DLG2: variants seen among roughly 807,000 people sequenced by gnomAD.
DLG2 encodes the protein disks large homolog 2.
DLG2 carries 45 observed loss-of-function variants against 132.5 expected under a neutral mutation model. The ratio of observed to expected loss-of-function variants is 0.34; its 90% CI spans 0.27 to 0.44. DLG2 has a LOEUF of 0.44. Among genes scored for constraint, DLG2 ranks in the 20% least tolerant of loss-of-function variants. DLG2 has a pLI of 1.00. For synonymous variants in DLG2, 424 were observed against 419.6 expected, an observed-to-expected ratio of 1.01 and a Z score of -0.13; for missense variants, 1,045 against 1,196.9, an observed-to-expected ratio of 0.87 and a Z score of 1.87.
chr11:84,843,417 T>C (rs188799942), intron 6 of DLG2, among the ~76,000 whole-genome samples: 9 of 152,004 alleles, frequency 5.9e-5, no homozygotes, highest in African/African-American at 2.2e-4. Context: ...TATAATAATA[T>C]GAATATTACT....
intron 3 of DLG2, among the ~76,000 whole-genome samples, chr11:85,403,052 T>C (rs981847953): frequency 6.6e-6 from 1 of 152,180 alleles, no homozygotes; most frequent in Non-Finnish European, 1.5e-5. Flanking sequence ...CGTATGTTTA[T>C]TGTGGCACTA....
At chr11:83,769,744 T>C (rs2094304985) in intron 18 of DLG2, among the ~76,000 whole-genome samples, 1 of 151,928 alleles carries the variant, frequency 6.6e-6, no homozygotes, top group South Asian at 2.1e-4. Flanking sequence ...TTGTATTTTT[T>C]AGTAGAGACG....
At chr11:84,043,791 G>A (rs2154110873) in intron 11 of DLG2, among the ~76,000 whole-genome samples, 1 of 151,414 alleles carries the variant, frequency 6.6e-6, no homozygotes, top group East Asian at 2.0e-4. Flanking sequence ...CTTCCTATTT[G>A]TAACATATTC....
chr11:85,254,523 G>A (rs906849835), intron 4 of DLG2, among the ~76,000 whole-genome samples: 1 of 151,926 alleles, frequency 6.6e-6, no homozygotes, highest in African/African-American at 2.4e-5. Context: ...TATTAAGCAT[G>A]TATTTATTTC....
intron 8 of DLG2, among the ~76,000 whole-genome samples, chr11:84,220,794 T>C (rs1172397600): frequency 7.1e-6 from 1 of 140,360 alleles, no homozygotes; most frequent in African/African-American, 2.6e-5. Context: ...TTTTTTTTTT[T>C]TTTTTTTGAC....
intron 4 of DLG2, among the ~76,000 whole-genome samples, chr11:85,203,883 A>G (rs2081650793): frequency 6.6e-6 from 1 of 152,162 alleles, no homozygotes; most frequent in Non-Finnish European, 1.5e-5. Flanking sequence ...GGTTCAACCT[A>G]CAAAAATCAA....
chr11:83,826,627 A>G (rs1322575877), intron 17 of DLG2, among the ~76,000 whole-genome samples: 1 of 152,192 alleles, frequency 6.6e-6, no homozygotes, highest in Non-Finnish European at 1.5e-5. Context: ...ATTTAAGGCA[A>G]TAAGCTTTTA....
chr11:85,624,189 ATG>A (rs2081915370), intron 2 of DLG2, among the ~76,000 whole-genome samples: 1 of 152,184 alleles, frequency 6.6e-6, no homozygotes. Flanking sequence ...AGCAGTTAAT[ATG>A]GGGTTTGAGG....
At chr11:84,647,345 T>G (rs1041679853) in intron 6 of DLG2, among the ~76,000 whole-genome samples, 10 of 152,246 alleles carry the variant, frequency 6.6e-5, no homozygotes, top group African/African-American at 2.2e-4. Context: ...ATCACCAAAT[T>G]AATATTTCTT....
chr11:83,495,610 A>G (rs1297266086), intron 21 of DLG2, among the ~76,000 whole-genome samples: 1 of 152,128 alleles, frequency 6.6e-6, no homozygotes, highest in African/African-American at 2.4e-5. Flanking sequence ...GTGAGGTTAG[A>G]AATTGTCGTA....
chr11:85,154,525 T>C, intron 5 of DLG2, 31 bp downstream of exon 5: 1 of 1,065,178 alleles, frequency 9.4e-7, no homozygotes, highest in Non-Finnish European at 1.4e-6. Context: ...CCATGAAGCC[T>C]AGTAAGAAAA....
At chr11:84,273,434 C>T (rs2097756328) in intron 7 of DLG2, 1 of 730,044 alleles carries the variant, frequency 1.4e-6, no homozygotes, top group Non-Finnish European at 1.7e-6. Flanking sequence ...TGGGGGATAA[C>T]TGGGCATGAC....
In DLG2 at chr11:83,842,523, CAAAAAAAA is replaced by C. The variant is rs771360645; in HGVS notation, c.1566-8761_1566-8754del. On this transcript the variant is annotated intron_variant, in intron 16 of 27. Transcript: ENST00000376104. The stretch of plus-strand genomic sequence containing the variant: ...GCAGGAGAATCGCTTGAACCTGTCT[CAAAAAAAA>C]AAAAAAAAAAAAAAAGGCCGGGCAC... Among the ~76,000 whole-genome samples the C allele has an allele frequency of 9.2e-3, 644 of 70,306 alleles. 6 individuals are homozygous for C. The highest frequency in any genetic ancestry group is 0.037 in the African/African-American group (609 of 16,432). The allele number at this position is 70,306 out of a possible 152,430, so 46.1% of individuals were successfully genotyped here.
At chr11:83,681,027 T>C (rs1313970843) in intron 18 of DLG2, among the ~76,000 whole-genome samples, 3 of 152,198 alleles carry the variant, frequency 2.0e-5, no homozygotes, top group East Asian at 3.9e-4. Context: ...CAAACAATTA[T>C]GGGTTTAGAA....
At chr11:84,063,554 G>A (rs4943887) in intron 10 of DLG2, among the ~76,000 whole-genome samples, 120,705 of 151,910 alleles carry the variant, frequency 0.79, 49,176 homozygotes, top group Middle Eastern at 0.92. Context: ...CTGCAGTGTG[G>A]CTATTCCTCA....
At chr11:84,106,155 C>T (rs2092897086) in intron 9 of DLG2, among the ~76,000 whole-genome samples, 1 of 151,592 alleles carries the variant, frequency 6.6e-6, no homozygotes, top group Non-Finnish European at 1.5e-5. Context: ...AGGCTACATG[C>T]CAGAAGAAGA....
intron 3 of DLG2, among the ~76,000 whole-genome samples, chr11:85,459,174 G>A (rs1323909951): frequency 1.3e-5 from 2 of 152,168 alleles, no homozygotes; most frequent in African/African-American, 2.4e-5. Flanking sequence ...TTCAAGGACA[G>A]CAAGGTCACT....
chr11:83,806,008 A>G (rs1381420219), intron 17 of DLG2, among the ~76,000 whole-genome samples: 1 of 152,086 alleles, frequency 6.6e-6, no homozygotes, highest in African/African-American at 2.4e-5. Flanking sequence ...TGCTGCTGCT[A>G]GAAGCTTCAT....
chr11:83,769,173 G>C (rs1049504818), intron 18 of DLG2, among the ~76,000 whole-genome samples: 46 of 152,220 alleles, frequency 3.0e-4, no homozygotes, highest in African/African-American at 1.1e-3. Flanking sequence ...GGACTTTCAT[G>C]ATGGTGTAGA....
Sources: allele counts gnomAD v4.1 joint callset (sites outside exome capture counted in the v4.1 genomes callset), GRCh38; gene constraint gnomAD v4.1.1; transcripts MANE v1.5; gene names NCBI Gene and HGNC (gene_info 2026-07-23, HGNC 2026-07-21).